Variants in NDUFA12 observed in about 807,000 individuals in gnomAD.
The protein encoded by NDUFA12 is NADH:ubiquinone oxidoreductase subunit A12.
In NDUFA12, 17 loss-of-function variants were observed where a neutral mutation model predicts 20.3. That is an observed-to-expected ratio of 0.84 (90% CI 0.57 to 1.26). NDUFA12 has a LOEUF of 1.26. Among genes scored for constraint, NDUFA12 ranks in the 50% most tolerant of loss-of-function variants. The pLI, the probability that NDUFA12 is intolerant of heterozygous loss-of-function variation, is 0.00. For missense variants in NDUFA12, 191 were observed against 183.7 expected, an observed-to-expected ratio of 1.04 and a Z score of -0.23; for synonymous variants, 72 against 63.6, an observed-to-expected ratio of 1.13 and a Z score of -0.63.
intron 3 of NDUFA12, among the ~76,000 whole-genome samples, chr12:94,986,085 C>CTAAA (rs57582405): frequency 0.47 from 64,461 of 135,808 alleles, 14,574 homozygotes; most frequent in Middle Eastern, 0.52. Flanking sequence ...AACTCTGTCT[C>CTAAA]TAAATAAATA....
At chr12:94,987,500 C>T (rs1315054572) in intron 3 of NDUFA12, among the ~76,000 whole-genome samples, 1 of 152,134 alleles carries the variant, frequency 6.6e-6, no homozygotes, top group African/African-American at 2.4e-5. Context: ...GTTAAAGGCA[C>T]TTGAACAACA....
intron 3 of NDUFA12, among the ~76,000 whole-genome samples, chr12:94,984,284 C>T (rs1161016227): frequency 1.3e-5 from 2 of 151,708 alleles, no homozygotes; most frequent in African/African-American, 4.8e-5. Context: ...ATGATGAGCA[C>T]ATCTGACATT....
chr12:95,000,736 A>G (rs1874994540), intron 2 of NDUFA12, among the ~76,000 whole-genome samples: 1 of 152,230 alleles, frequency 6.6e-6, no homozygotes, highest in Non-Finnish European at 1.5e-5. Context: ...AAAATTTAAC[A>G]TGCACACAAA....
Position 94,971,830 on chromosome 12 carries a change from G to T in NDUFA12, c.258-210C>A. 3 of 736,280 alleles carry T rather than the reference G, an allele frequency of 4.1e-6. No homozygotes were observed. The African/African-American group carries it at 5.2e-5, about 13-fold the overall frequency. 45.6% of individuals were successfully genotyped at this position (736,280 alleles called of 1,614,324 possible). A position where few individuals can be genotyped will look rare whatever the true frequency, so the allele number is the denominator to read the frequency against. ...GGTATAAACATAAAAGGAGATAATA[G>T]ACATAAAGCACATAGAAAAATTCTT... On this transcript the variant is annotated intron_variant, in intron 3 of 3. Coordinates refer to ENST00000327772, the MANE Select transcript of NDUFA12 (RefSeq NM_018838.5).
chr12:94,991,732 A>T (rs1055778043), intron 3 of NDUFA12, among the ~76,000 whole-genome samples: 2 of 151,756 alleles, frequency 1.3e-5, no homozygotes. Flanking sequence ...ATCTCAAAAA[A>T]AAAAAAAAAA....
intron 3 of NDUFA12, among the ~76,000 whole-genome samples, chr12:94,975,476 T>C (rs1444554077): frequency 6.6e-6 from 1 of 152,224 alleles, no homozygotes; most frequent in African/African-American, 2.4e-5. Flanking sequence ...TCAGTACTCA[T>C]ATACTATTCA....
intron 2 of NDUFA12, among the ~76,000 whole-genome samples, chr12:94,997,626 C>T (rs1263624085): frequency 6.6e-6 from 1 of 151,980 alleles, no homozygotes; most frequent in Non-Finnish European, 1.5e-5. Context: ...TCCAAAAGCT[C>T]CAAAATTGGA....
At chr12:94,980,637 A>G (rs1375773403) in intron 3 of NDUFA12, among the ~76,000 whole-genome samples, 1 of 152,176 alleles carries the variant, frequency 6.6e-6, no homozygotes, top group African/African-American at 2.4e-5. Context: ...TAAATGATGT[A>G]TTTATGTATT....
chr12:94,972,104 T>C (rs887990479), intron 3 of NDUFA12, among the ~76,000 whole-genome samples: 5 of 152,052 alleles, frequency 3.3e-5, no homozygotes, highest in Non-Finnish European at 7.4e-5. Context: ...TTTCAGAAGA[T>C]TTTTGTAGAG....
chr12:94,981,008 C>G (rs907575904), intron 3 of NDUFA12, among the ~76,000 whole-genome samples: 3 of 151,896 alleles, frequency 2.0e-5, no homozygotes, highest in Non-Finnish European at 4.4e-5. Context: ...AAAATGAAGA[C>G]TTCTGTGTGT....
chr12:94,998,414 C>G (rs543764780), intron 2 of NDUFA12, among the ~76,000 whole-genome samples: 1 of 152,296 alleles, frequency 6.6e-6, no homozygotes, highest in South Asian at 2.1e-4. Flanking sequence ...TCCCTGAGAA[C>G]TGGAACGAGA....
rs576195350 is a variant in NDUFA12 at position 94,980,492 on chromosome 12, A to G, written c.258-8872T>C. On this transcript the variant is annotated intron_variant, in intron 3 of 3. Transcript: ENST00000327772. ...AAAACAGCTGACCACCACGATGTTA[A>G]GCATCTTAAACAAATTGGCCTTTCA... 1.6e-4 allele frequency among the ~76,000 whole-genome samples: 24 copies of G among 152,280 alleles called. No homozygotes were observed. The South Asian group carries it at 5.0e-3, about 32-fold the overall frequency.
intron 3 of NDUFA12, among the ~76,000 whole-genome samples, chr12:94,993,315 C>A (rs1280977430): frequency 1.3e-5 from 1 of 78,414 alleles, no homozygotes; most frequent in Non-Finnish European, 3.1e-5. Context: ...ATGGCGAAAT[C>A]GCATTTCTAT....
At chr12:94,989,305 T>A (rs1326833297) in intron 3 of NDUFA12, among the ~76,000 whole-genome samples, 1 of 152,150 alleles carries the variant, frequency 6.6e-6, no homozygotes, top group Non-Finnish European at 1.5e-5. Flanking sequence ...ATTCACTGCT[T>A]TACCCCAGGT....
chr12:94,999,886 A>C (rs1874964221), intron 2 of NDUFA12, among the ~76,000 whole-genome samples: 1 of 152,244 alleles, frequency 6.6e-6, no homozygotes. Flanking sequence ...GGGAATGTGA[A>C]CTAGTACAAC....
At chr12:94,984,546 G>A (rs11107838) in intron 3 of NDUFA12, among the ~76,000 whole-genome samples, 131,644 of 151,380 alleles carry the variant, frequency 0.87, 57,331 homozygotes, top group Admixed American at 0.9. Context: ...AAACAAAAAA[G>A]CAACAAAAAA....
chr12:94,985,806 C>T (rs1204847029), intron 3 of NDUFA12, among the ~76,000 whole-genome samples: 7 of 151,854 alleles, frequency 4.6e-5, no homozygotes, highest in Non-Finnish European at 1.5e-5. Flanking sequence ...AAAAATAGGC[C>T]AGGCACAGTG....
At chr12:95,000,873 G>A (rs1592707336) in intron 2 of NDUFA12, among the ~76,000 whole-genome samples, 1 of 152,094 alleles carries the variant, frequency 6.6e-6, no homozygotes, top group South Asian at 2.1e-4. Flanking sequence ...TAACAACAAC[G>A]TATTCCAAAA....
chr12:94,980,711 TGA>T (rs1294738764), intron 3 of NDUFA12, among the ~76,000 whole-genome samples: 2 of 152,056 alleles, frequency 1.3e-5, no homozygotes, highest in African/African-American at 4.8e-5. Flanking sequence ...GTAACTATGC[TGA>T]GAGAGAAAGA....
Sources: gnomAD v4.1 joint callset for allele counts (sites outside exome capture counted in the v4.1 genomes callset) on GRCh38, gnomAD v4.1.1 for gene constraint, MANE v1.5 for transcripts, NCBI Gene and HGNC (gene_info 2026-07-23, HGNC 2026-07-21) for gene names.